Variants in CMIP observed in about 807,000 individuals in gnomAD.
CMIP encodes the protein c-Maf inducing protein.
In CMIP, 13 loss-of-function variants were observed where a neutral mutation model predicts 97.3. That is an observed-to-expected ratio of 0.13 (90% CI 0.09 to 0.21). CMIP has a LOEUF of 0.21. Ranked by LOEUF, CMIP falls within the 10% of genes least tolerant of loss-of-function variation. CMIP has a pLI of 1.00. For missense variants in CMIP, 847 were observed against 1,024.9 expected (o/e 0.83, Z 2.37); for synonymous variants, 538 against 436.3 (o/e 1.23, Z -2.91).
intron 1 of CMIP, among the ~76,000 whole-genome samples, chr16:81,508,883 GGAA>G (rs1439829284): frequency 1.3e-5 from 2 of 152,168 alleles, no homozygotes. Flanking sequence ...ACTGGGGTTG[GGAA>G]GTACTTAGGA....
At position 81,578,180 on chromosome 16, in the gene CMIP, CATT is replaced by C. The variant is rs368200441; in HGVS notation, c.301-29381_301-29379del. Among the ~76,000 whole-genome samples, 85 of 151,480 alleles carry C rather than the reference CATT, an allele frequency of 5.6e-4. No homozygotes were observed. In the East Asian group the frequency reaches 0.01, roughly 18 times the overall value. On this transcript the variant is annotated intron_variant, in intron 1 of 20. Transcript: ENST00000537098. ...ATAACCATCATCCCCATTACCACTA[CATT>C]ATTATCACTGTCACCATCACCATCA...
intron 10 of CMIP, among the ~76,000 whole-genome samples, chr16:81,688,211 A>T (rs1905631836): frequency 7.2e-6 from 1 of 139,414 alleles, no homozygotes; most frequent in South Asian, 2.3e-4. Context: ...TGTGTAGATG[A>T]CTCGGAGTGG....
At chr16:81,552,440 T>C (rs151314473) in intron 1 of CMIP, among the ~76,000 whole-genome samples, 68 of 152,314 alleles carry the variant, frequency 4.5e-4, no homozygotes, top group Middle Eastern at 3.4e-3. Context: ...TTAGGTGGGC[T>C]ATGTTAGGAT....
intron 1 of CMIP, among the ~76,000 whole-genome samples, chr16:81,597,064 C>A (rs1236803494): frequency 6.6e-6 from 1 of 152,154 alleles, no homozygotes; most frequent in African/African-American, 2.4e-5. Context: ...TCTTGATGGT[C>A]ATTTGGGTAG....
chr16:81,447,265 A>G (rs1388080804), intron 1 of CMIP, among the ~76,000 whole-genome samples: 1 of 145,240 alleles, frequency 6.9e-6, no homozygotes, highest in East Asian at 2.0e-4. Context: ...CTTACACTCC[A>G]CAAAATGAAG....
intron 3 of CMIP, among the ~76,000 whole-genome samples, chr16:81,626,417 AGTGT>A (rs901781578): frequency 1.5e-5 from 2 of 136,836 alleles, no homozygotes; most frequent in Non-Finnish European, 3.2e-5. Flanking sequence ...GGTGACTATG[AGTGT>A]GTGTGGGGTG....
chr16:81,591,218 C>G (rs924257807), intron 1 of CMIP, among the ~76,000 whole-genome samples: 2 of 149,762 alleles, frequency 1.3e-5, no homozygotes, highest in African/African-American at 4.8e-5. Context: ...TAATGGTACC[C>G]CTGGCATGGG....
chr16:81,696,759 C>G (rs1906772384), intron 14 of CMIP, 92 bp downstream of exon 14: 3 of 1,231,978 alleles, frequency 2.4e-6, no homozygotes, highest in African/African-American at 1.5e-5. Context: ...TCCCCTGGGG[C>G]CAGCCCCGGA....
At chr16:81,501,608 CTTTT>C (rs1046564135) in intron 1 of CMIP, among the ~76,000 whole-genome samples, 1 of 129,356 alleles carries the variant, frequency 7.7e-6, no homozygotes. Context: ...GACTCTGGTT[CTTTT>C]TTTTTTTTTT....
intron 1 of CMIP, among the ~76,000 whole-genome samples, chr16:81,504,990 T>C (rs752695359): frequency 6.6e-6 from 1 of 152,266 alleles, no homozygotes; most frequent in Non-Finnish European, 1.5e-5. Flanking sequence ...AATCAGCCAG[T>C]GAGGCTGGGC....
chr16:81,609,354 G>C (rs907146499), intron 2 of CMIP, among the ~76,000 whole-genome samples: 1 of 152,208 alleles, frequency 6.6e-6, no homozygotes, highest in Admixed American at 6.5e-5. Flanking sequence ...CCATGAAGGG[G>C]GTGGTCAGTG....
chr16:81,517,327 T>C (rs572340138), intron 1 of CMIP, among the ~76,000 whole-genome samples: 1 of 152,250 alleles, frequency 6.6e-6, no homozygotes, highest in Non-Finnish European at 1.5e-5. Context: ...TAGGTCAGTA[T>C]GTCTTAGTAC....
intron 1 of CMIP, among the ~76,000 whole-genome samples, chr16:81,581,739 C>T (rs1008967924): frequency 2.1e-4 from 32 of 152,306 alleles, no homozygotes; most frequent in African/African-American, 7.5e-4. Context: ...AACCGAGGCA[C>T]AGGGCAAGGG....
intron 1 of CMIP, among the ~76,000 whole-genome samples, chr16:81,576,094 T>C (rs571890658): frequency 1.3e-5 from 2 of 152,266 alleles, no homozygotes; most frequent in African/African-American, 4.8e-5. Context: ...TCCATTTTCT[T>C]GCATACCTCT....
intron 6 of CMIP, 78 bp downstream of exon 6, chr16:81,661,024 C>T: frequency 6.4e-7 from 1 of 1,574,168 alleles, no homozygotes; most frequent in Non-Finnish European, 8.7e-7. Flanking sequence ...TGGGTTTGCA[C>T]AGAAAGGCCA....
At chr16:81,548,771 A>T (rs960580014) in intron 1 of CMIP, among the ~76,000 whole-genome samples, 1 of 151,972 alleles carries the variant, frequency 6.6e-6, no homozygotes. Flanking sequence ...GCTTGAGGCC[A>T]TGAGTTCAAG....
In CMIP at chr16:81,703,936, C is replaced by T. The variant is rs757823993; in HGVS notation, c.1945-3C>T. ...CTCAGGCCTCTCCCCCGTCTGCCCG[C>T]AGGACGCTGACTTGGCTCGTTTGCT... On this transcript the variant is annotated splice_polypyrimidine_tract_variant and splice_region_variant and intron_variant, in intron 17 of 20. Coordinates refer to ENST00000537098, the MANE Select transcript of CMIP (RefSeq NM_198390.3). The T allele has an allele frequency of 6.3e-7, 1 of 1,593,140 alleles. No homozygotes were observed. Among genetic ancestry groups the T allele is most frequent in the South Asian group, 1.1e-5 (1 of 88,292 alleles).
In CMIP at chr16:81,567,566, A is replaced by G. The variant is rs74029186; in HGVS notation, c.301-40001A>G. Among the ~76,000 whole-genome samples, 932 of 152,294 alleles carry G rather than the reference A, an allele frequency of 6.1e-3. 7 individuals are homozygous for G. Among genetic ancestry groups the G allele is most frequent in the African/African-American group, 0.022 (904 of 41,568 alleles). On this transcript the variant is annotated intron_variant, in intron 1 of 20. Transcript: ENST00000537098. ...GCCTCAGTTTCCACTTCACACCTTC[A>G]GGGATGGTGTGAGGATCACCCAAGA...
In CMIP at chr16:81,486,808, C is replaced by T. The variant is rs567491336; in HGVS notation, c.300+41267C>T. 5.2e-5 allele frequency among the ~76,000 whole-genome samples: 8 copies of T among 152,398 alleles called. No individual in the cohort carries two copies. In the South Asian group the frequency reaches 1.4e-3, roughly 28 times the overall value. Reference sequence around the variant, plus strand: ...GGTTTGGAAGCCCGGCCCCAACAGCCGCCAAGTCTGGAAATGAAGTAAATG... The same window carrying T: ...GGTTTGGAAGCCCGGCCCCAACAGCTGCCAAGTCTGGAAATGAAGTAAATG... On this transcript the variant is annotated intron_variant, in intron 1 of 20. Coordinates refer to ENST00000537098, the MANE Select transcript of CMIP (RefSeq NM_198390.3).
Sources: allele counts gnomAD v4.1 joint callset (sites outside exome capture counted in the v4.1 genomes callset), GRCh38; gene constraint gnomAD v4.1.1; transcripts MANE v1.5; gene names NCBI Gene and HGNC (gene_info 2026-07-23, HGNC 2026-07-21).